The following RYR3 variants were observed in gnomAD, a reference collection of about 807,000 sequenced individuals.
RYR3 encodes ryanodine receptor 3.
A neutral mutation model predicts 584.3 loss-of-function variants in RYR3; 207 were observed. The observed-to-expected ratio is 0.35, with a 90% CI of 0.32 to 0.40. The LOEUF (loss-of-function observed/expected upper bound fraction) is 0.40, where lower values mean the gene tolerates loss of function less well. Ranked by LOEUF, RYR3 falls within the 10% of genes least tolerant of loss-of-function variation. The pLI, the probability that RYR3 is intolerant of heterozygous loss-of-function variation, is 1.00. For missense variants in RYR3, 5,616 were observed against 6,089.2 expected (o/e 0.92, Z 2.59); for synonymous variants, 2,416 against 2,248.5 (o/e 1.07, Z -2.11).
intron 78 of RYR3, among the ~76,000 whole-genome samples, chr15:33,821,047 C>T (rs903595996): frequency 1.3e-5 from 2 of 151,054 alleles, no homozygotes; most frequent in East Asian, 3.9e-4. Flanking sequence ...TGTGTTCTAT[C>T]AGTACAAAAA....
intron 102 of RYR3, among the ~76,000 whole-genome samples, chr15:33,862,351 G>A (rs1888590365): frequency 6.8e-6 from 1 of 146,822 alleles, no homozygotes; most frequent in Non-Finnish European, 1.5e-5. Flanking sequence ...TGGGACAGGT[G>A]TACCACTAAT....
intron 92 of RYR3, among the ~76,000 whole-genome samples, chr15:33,844,363 G>A (rs2152987539): frequency 6.6e-6 from 1 of 152,338 alleles, no homozygotes; most frequent in South Asian, 2.1e-4. Flanking sequence ...GGAGCTACAG[G>A]ACAAAGCCTC....
At chr15:33,737,719 G>C (rs968597969) in intron 49 of RYR3, among the ~76,000 whole-genome samples, 3 of 152,100 alleles carry the variant, frequency 2.0e-5, no homozygotes, top group Non-Finnish European at 2.9e-5. Context: ...TCTTAATTTG[G>C]TATTGCTTCC....
chr15:33,726,268 G>A (rs779551053), intron 45 of RYR3, 118 bp from the exon 46 acceptor site: 7 of 1,111,674 alleles, frequency 6.3e-6, no homozygotes, highest in Non-Finnish European at 7.8e-6. Context: ...AGCAATTAGG[G>A]AAACATAGAA....
At chr15:33,793,921 A>ACTCTCT (rs372169429) in intron 67 of RYR3, among the ~76,000 whole-genome samples, 1 of 44,070 alleles carries the variant, frequency 2.3e-5, no homozygotes, top group South Asian at 1.8e-3. Context: ...ACACACACAC[A>ACTCTCT]CTCTATATAT....
intron 5 of RYR3, among the ~76,000 whole-genome samples, chr15:33,536,199 G>A (rs1029065782): frequency 6.6e-6 from 1 of 152,164 alleles, no homozygotes; most frequent in African/African-American, 2.4e-5. Context: ...TTGTAAACAA[G>A]TAAACTGCCC....
chr15:33,363,774 G>A lies in RYR3; in HGVS notation c.51+52678G>A, dbSNP rs1975094029. Among the ~76,000 whole-genome samples the A allele has an allele frequency of 2.0e-5, 3 of 152,184 alleles. No homozygotes were observed. In the South Asian group the frequency reaches 6.2e-4, roughly 32 times the overall value. On this transcript the variant is annotated intron_variant, in intron 1 of 103. Transcript: ENST00000634891. ...AGAACTTTCTGTGTCTCTAGATTGT[G>A]CTGTTCAGTGTGATAGCCACCAGCT...
At position 33,645,949 on chromosome 15, in the gene RYR3, C is replaced by T. The variant is rs189135950; in HGVS notation, c.3766-402C>T. Among the ~76,000 whole-genome samples the T allele has an allele frequency of 1.2e-3, 185 of 152,256 alleles. 1 individual carries two copies. The highest frequency in any genetic ancestry group is 4.4e-3 in the African/African-American group (182 of 41,546). On this transcript the variant is annotated intron_variant, in intron 28 of 103. Transcript: ENST00000634891. ...CTGAGCTTTGGGATTACTTTTTCCC[C>T]TTCCCTTAGATGTTTTCATGCCCAG...
At chr15:33,386,752 G>C (rs577855000) in intron 1 of RYR3, among the ~76,000 whole-genome samples, 32 of 152,120 alleles carry the variant, frequency 2.1e-4, no homozygotes, top group Non-Finnish European at 4.1e-4. Context: ...TTACTCTCTA[G>C]ATGTGTTATA....
chr15:33,603,447 C>A, intron 18 of RYR3, 83 bp downstream of exon 18: 2 of 1,390,996 alleles, frequency 1.4e-6, no homozygotes, highest in Non-Finnish European at 2.0e-6. Flanking sequence ...ATGACCACTT[C>A]CATTTGAAAT....
In RYR3 at chr15:33,834,327, G is replaced by GCACACACACACACACAC. The variant is rs1567276035; in HGVS notation, c.11464-641_11464-640insCACACACACACACACAC. ...ACACACACACACACACACACACAGT[G>GCACACACACACACACAC]AGATTAACATGGAAAATGCAAACTA... On this transcript the variant is annotated intron_variant, in intron 86 of 103. Coordinates refer to ENST00000634891, the MANE Select transcript of RYR3 (RefSeq NM_001036.6). Among the ~76,000 whole-genome samples the GCACACACACACACACAC allele has an allele frequency of 1.3e-4, 15 of 112,584 alleles. 1 individual carries two copies. Among genetic ancestry groups the GCACACACACACACACAC allele is most frequent in the African/African-American group, 4.4e-4 (14 of 32,154 alleles). 73.9% of individuals were successfully genotyped at this position (112,584 alleles called of 152,430 possible).
chr15:33,649,302 T>C (rs568127528), intron 31 of RYR3, 67 bp downstream of exon 31: 2 of 1,455,930 alleles, frequency 1.4e-6, no homozygotes, highest in South Asian at 2.4e-5. Flanking sequence ...AGTCTTTTTC[T>C]TCCACCCCAC....
intron 38 of RYR3, among the ~76,000 whole-genome samples, chr15:33,694,078 G>A (rs2065647020): frequency 6.6e-6 from 1 of 152,122 alleles, no homozygotes; most frequent in South Asian, 2.1e-4. Flanking sequence ...GACAGACACT[G>A]AAAGCCCTAG....
chr15:33,598,048 A>G (rs931366717), intron 16 of RYR3, among the ~76,000 whole-genome samples: 1 of 152,010 alleles, frequency 6.6e-6, no homozygotes, highest in South Asian at 2.1e-4. Context: ...TTTACATCAT[A>G]AAGTACAGAG....
chr15:33,716,787 G>A (rs1365894259), intron 43 of RYR3, among the ~76,000 whole-genome samples: 5 of 151,920 alleles, frequency 3.3e-5, no homozygotes, highest in East Asian at 1.9e-4. Context: ...CTTAATATAC[G>A]TATGTGGATT....
intron 1 of RYR3, among the ~76,000 whole-genome samples, chr15:33,351,756 A>G (rs926186166): frequency 6.6e-6 from 1 of 151,606 alleles, no homozygotes; most frequent in Admixed American, 6.6e-5. Flanking sequence ...GATGGGATGT[A>G]TCTCAAAATA....
chr15:33,713,895 A>G (rs2067299665), intron 43 of RYR3, among the ~76,000 whole-genome samples: 1 of 151,980 alleles, frequency 6.6e-6, no homozygotes, highest in South Asian at 2.1e-4. Flanking sequence ...TGCCCTTATG[A>G]CTTAATTACC....
At chr15:33,643,347 G>A (rs1413803369) in intron 27 of RYR3, among the ~76,000 whole-genome samples, 1 of 152,176 alleles carries the variant, frequency 6.6e-6, no homozygotes, top group African/African-American at 2.4e-5. Context: ...TCCCTGTGTT[G>A]CTGATTTGTT....
intron 38 of RYR3, among the ~76,000 whole-genome samples, chr15:33,674,928 A>AG (rs1197203490): frequency 7.0e-6 from 1 of 141,878 alleles, no homozygotes; most frequent in Non-Finnish European, 1.5e-5. Context: ...AAAAAAAAAA[A>AG]GAGTGGTGTT....
Sources: allele counts gnomAD v4.1 joint callset (sites outside exome capture counted in the v4.1 genomes callset), GRCh38; gene constraint gnomAD v4.1.1; transcripts MANE v1.5; gene names NCBI Gene and HGNC (gene_info 2026-07-23, HGNC 2026-07-21).